Variants in PTPRB observed in about 807,000 individuals in gnomAD.
PTPRB encodes receptor-type tyrosine-protein phosphatase beta.
A neutral mutation model predicts 238.1 loss-of-function variants in PTPRB; 97 were observed. The ratio of observed to expected loss-of-function variants is 0.41; its 90% CI spans 0.35 to 0.48. PTPRB has a LOEUF of 0.48. Among genes scored for constraint, PTPRB ranks in the 20% least tolerant of loss-of-function variants. PTPRB has a pLI of 0.30. For synonymous variants in PTPRB, 970 were observed against 995.4 expected, an observed-to-expected ratio of 0.97 and a Z score of 0.48; for missense variants, 2,292 against 2,681.9, an observed-to-expected ratio of 0.85 and a Z score of 3.21.
intron 2 of PTPRB, 126 bp downstream of exon 2, chr12:70,635,545 A>G: frequency 8.3e-7 from 1 of 1,205,052 alleles, no homozygotes; most frequent in South Asian, 1.7e-5. Context: ...TGAATCTTCC[A>G]TAGGAAATAT....
intron 22 of PTPRB, among the ~76,000 whole-genome samples, chr12:70,543,813 G>C (rs891297287): frequency 2.0e-5 from 3 of 152,186 alleles, no homozygotes; most frequent in African/African-American, 7.2e-5. Flanking sequence ...CAGAATTTCA[G>C]CTGCACCATC....
intron 18 of PTPRB, among the ~76,000 whole-genome samples, chr12:70,558,078 T>C (rs191509261): frequency 6.5e-4 from 99 of 152,288 alleles, no homozygotes; most frequent in Admixed American, 4.3e-3. Flanking sequence ...CTCCTCTCTA[T>C]GTAAGTAAAG....
In PTPRB at chr12:70,580,679, C is replaced by T. The variant is rs143743686; in HGVS notation, c.2578+357G>A. ...TACTAAAAATACAAAGTTAGCAGGG[C>T]GTGGTGGCACACGCCTGTAATCCCA... On this transcript the variant is annotated intron_variant, in intron 10 of 33. Transcript: ENST00000334414. Among the ~76,000 whole-genome samples the T allele has an allele frequency of 4.7e-4, 71 of 152,022 alleles. No homozygotes were observed. In the East Asian group the frequency reaches 8.9e-3, roughly 19 times the overall value.
chr12:70,600,875 C>CT (rs200361448), intron 4 of PTPRB, among the ~76,000 whole-genome samples: 173 of 147,496 alleles, frequency 1.2e-3, no homozygotes, highest in East Asian at 4.4e-3. Context: ...TTTGTATTTT[C>CT]TTTTTTTTTT....
At chr12:70,561,549 A>C (rs1313891531) in intron 16 of PTPRB, among the ~76,000 whole-genome samples, 1 of 152,208 alleles carries the variant, frequency 6.6e-6, no homozygotes, top group East Asian at 1.9e-4. Context: ...AGGTAAGGAA[A>C]GATGTGCAAA....
chr12:70,580,936 G>A (rs1881311141), intron 10 of PTPRB, 100 bp downstream of exon 10: 1 of 1,357,808 alleles, frequency 7.4e-7, no homozygotes, highest in East Asian at 2.4e-5. Flanking sequence ...GTAAAGGCCA[G>A]GGATGAGTCT....
intron 22 of PTPRB, among the ~76,000 whole-genome samples, chr12:70,543,285 A>G (rs1196662388): frequency 6.6e-6 from 1 of 152,184 alleles, no homozygotes; most frequent in Non-Finnish European, 1.5e-5. Context: ...GCATTTTAAG[A>G]TCTTAGATTT....
chr12:70,554,022 T>A (rs1337916586), intron 20 of PTPRB, among the ~76,000 whole-genome samples: 1 of 152,210 alleles, frequency 6.6e-6, no homozygotes, highest in East Asian at 1.9e-4. Context: ...CAAAACACTG[T>A]CTTCATTGCA....
chr12:70,578,939 A>T (rs1487317378), intron 10 of PTPRB, among the ~76,000 whole-genome samples: 1 of 152,140 alleles, frequency 6.6e-6, no homozygotes, highest in Non-Finnish European at 1.5e-5. Flanking sequence ...CCCAAGTCTG[A>T]TGAGTTGTAC....
At chr12:70,622,736 T>G (rs1885001716) in intron 2 of PTPRB, 90 bp from the exon 3 acceptor site, 8 of 1,386,338 alleles carry the variant, frequency 5.8e-6, no homozygotes, top group Non-Finnish European at 7.7e-6. Flanking sequence ...AAAGAGGGCC[T>G]TTTCAATAAT....
chr12:70,534,989 G>A (rs781719645), intron 29 of PTPRB, 34 bp from the exon 30 acceptor site: 48 of 1,587,372 alleles, frequency 3.0e-5, no homozygotes, highest in Admixed American at 1.1e-4. Context: ...ACATGAGTCC[G>A]GAAAAGTGAC....
intron 2 of PTPRB, among the ~76,000 whole-genome samples, chr12:70,632,556 A>G (rs2136610940): frequency 6.6e-6 from 1 of 151,644 alleles, no homozygotes; most frequent in East Asian, 1.9e-4. Context: ...GTGCACATGC[A>G]CCCTAGAACT....
At chr12:70,576,673 G>GGGGGGGGGGT in intron 10 of PTPRB, 28 bp from the exon 11 acceptor site, 1 of 273,404 alleles carries the variant, frequency 3.7e-6, no homozygotes, top group South Asian at 2.8e-5. Flanking sequence ...GGGGGGCGGG[G>GGGGGGGGGGT]GGGGGGGGGA....
intron 29 of PTPRB, 104 bp downstream of exon 29, chr12:70,535,921 A>G (rs1565910610): frequency 4.2e-6 from 6 of 1,421,700 alleles, no homozygotes; most frequent in South Asian, 1.3e-5. Flanking sequence ...ATGCTCTCAC[A>G]TGATCCCTAC....
chr12:70,539,231 T>A (rs1418732681), intron 26 of PTPRB: 1 of 578,862 alleles, frequency 1.7e-6, no homozygotes, highest in Non-Finnish European at 3.1e-6. Flanking sequence ...TCAGGATAAC[T>A]GATGTGCCCC....
chr12:70,608,902 C>T, intron 4 of PTPRB, 167 bp downstream of exon 4: 6 of 1,000,716 alleles, frequency 6.0e-6, no homozygotes, highest in Non-Finnish European at 8.6e-6. Flanking sequence ...CACCAAGCTG[C>T]TTCTGGCTAG....
intron 28 of PTPRB, among the ~76,000 whole-genome samples, chr12:70,536,513 G>A (rs772377314): frequency 6.6e-6 from 1 of 152,106 alleles, no homozygotes; most frequent in African/African-American, 2.4e-5. Flanking sequence ...TAATGTAGAA[G>A]AGTGTTAGTC....
Position 70,556,124 on chromosome 12 carries a change from T to C in PTPRB, c.4739A>G (p.His1580Arg), listed in dbSNP as rs1877633732. The part of the protein sequence containing the change: ...RTKPDKIQNL[H>R]CRPQNSTAIA... Reference sequence around the variant, plus strand: ...GGCCGTGGAGTTCTGAGGCCGGCAATGCAGGTTTTGTATCTTGTCAGGCTC... The same window carrying C: ...GGCCGTGGAGTTCTGAGGCCGGCAACGCAGGTTTTGTATCTTGTCAGGCTC... Residue 1580 changes from histidine to arginine, a missense_variant, in exon 19 of 34, where the codon CAT becomes CGT. Physicochemically the swap from His to Arg is conservative, Grantham distance 29. Around this residue, in one of 4 missense-constraint regions of PTPRB, gnomAD observed 683 missense variants for 862.0 expected, o/e 0.79. Transcript: ENST00000334414. 6.2e-7 allele frequency: 1 copy of C among 1,613,558 alleles called. No individual in the cohort carries two copies. Among genetic ancestry groups the C allele is most frequent in the Non-Finnish European group, 8.5e-7 (1 of 1,179,652 alleles).
intron 3 of PTPRB, among the ~76,000 whole-genome samples, chr12:70,617,589 G>A (rs890293732): frequency 3.3e-5 from 5 of 152,292 alleles, no homozygotes; most frequent in African/African-American, 9.6e-5. Flanking sequence ...AACAGTAGTA[G>A]CAGCGGGGTG....
Sources: gnomAD v4.1 joint callset for allele counts (sites outside exome capture counted in the v4.1 genomes callset) on GRCh38, gnomAD v4.1.1 for gene constraint, gnomAD v4.1.1 regional missense constraint, MANE v1.5 for transcripts, NCBI Gene and HGNC (gene_info 2026-07-23, HGNC 2026-07-21) for gene names.